The following DMD variants were observed in gnomAD, a reference collection of about 807,000 sequenced individuals.
DMD encodes the protein dystrophin.
A neutral mutation model predicts 330.1 loss-of-function variants in DMD; 63 were observed. The observed-to-expected ratio is 0.19, with a 90% confidence interval of 0.16 to 0.24. The LOEUF (loss-of-function observed/expected upper bound fraction) is 0.24, where lower values mean the gene tolerates loss of function less well. DMD is among the 10% of genes least tolerant of loss of function. DMD has a pLI of 1.00. For synonymous variants in DMD, 1,223 were observed against 959.8 expected, an observed-to-expected ratio of 1.27 and a Z score of -5.07; for missense variants, 3,344 against 2,684.1, an observed-to-expected ratio of 1.25 and a Z score of -5.43.
chrX:32,857,301 A>C (rs1186854135), intron 2 of DMD, among the ~76,000 whole-genome samples: 1 of 112,373 alleles, frequency 8.9e-6, no homozygotes, highest in Non-Finnish European at 1.9e-5. Flanking sequence ...CATTTTAATG[A>C]AACTTTAAGG....
chrX:33,322,386 G>T (rs755891891), intron 1 of DMD, among the ~76,000 whole-genome samples: 20 of 109,538 alleles, frequency 1.8e-4, no homozygotes, highest in Non-Finnish European at 3.2e-4. Context: ...AGACAGATGT[G>T]GGGGGGTGGG....
At chrX:31,889,414 G>A (rs1396464307) in intron 47 of DMD, among the ~76,000 whole-genome samples, 1 of 109,880 alleles carries the variant, frequency 9.1e-6, no homozygotes, top group Non-Finnish European at 1.9e-5. Flanking sequence ...GGCTCCTGGA[G>A]GCATTAGACA....
chrX:32,013,693 A>T (rs974589900), intron 44 of DMD, among the ~76,000 whole-genome samples: 21 of 112,098 alleles, frequency 1.9e-4, no homozygotes, highest in Admixed American at 1.6e-3. Flanking sequence ...ATGTCTATGA[A>T]ATGCAAAAAG....
Position 31,223,093 on chromosome X carries a change from A to T in DMD, c.9315T>A (p.Ala3105=), listed in dbSNP as rs2046261036. ...LADLNNVRFS[A]YRTAMKLRRL... is the part of the protein sequence containing the mutation. ...TTCGGAGTTTCATGGCAGTCCTATA[A>T]GCTGAGAATCTGACATTATTCAGGT... is the stretch of plus-strand genomic sequence containing the variant. The change falls in exon 64 of 79, where the codon GCT becomes GCA. Residue 3105 remains alanine, a synonymous_variant. Transcript: ENST00000357033. The T allele has an allele frequency of 8.3e-7, 1 of 1,209,484 alleles. No individual in the cohort carries two copies. The highest frequency in any genetic ancestry group is 1.7e-5 in the African/African-American group (1 of 57,195).
intron 62 of DMD, among the ~76,000 whole-genome samples, chrX:31,277,711 C>G (rs1030574543): frequency 2.7e-5 from 3 of 111,633 alleles, no homozygotes; most frequent in African/African-American, 9.8e-5. Flanking sequence ...TTTCTGATGA[C>G]CTGGCCTGAG....
chrX:32,450,668 G>A (rs1203191173), intron 26 of DMD, among the ~76,000 whole-genome samples: 1 of 110,471 alleles, frequency 9.1e-6, no homozygotes, highest in Non-Finnish European at 1.9e-5. Context: ...ATCATCCTCA[G>A]AGTTATATCC....
chrX:32,930,234 G>A (rs922201551), intron 2 of DMD, among the ~76,000 whole-genome samples: 1 of 110,836 alleles, frequency 9.0e-6, no homozygotes, highest in Non-Finnish European at 1.9e-5. Flanking sequence ...AGTTGTATAG[G>A]TCCTCAAAGT....
chrX:32,029,177 G>C (rs1208697952), intron 44 of DMD, among the ~76,000 whole-genome samples: 1 of 111,118 alleles, frequency 9.0e-6, no homozygotes, highest in Non-Finnish European at 1.9e-5. Context: ...CTCATTTAAC[G>C]TTCCACCACC....
Position 32,565,695 on chromosome X carries a change from C to T in DMD, c.1992+7G>A. Reference sequence around the variant, plus strand: ...TAGTCTGTAGCATGATAATTGGTATCACTAACCTGTGCTGTACTCTTTTCA... The same window carrying T: ...TAGTCTGTAGCATGATAATTGGTATTACTAACCTGTGCTGTACTCTTTTCA... On this transcript the variant is annotated splice_region_variant and intron_variant, in intron 16 of 78. Coordinates refer to ENST00000357033, the MANE Select transcript of DMD (RefSeq NM_004006.3). 2 of 1,208,903 alleles carry T rather than the reference C, an allele frequency of 1.7e-6. No homozygotes were observed. The highest frequency in any genetic ancestry group is 2.2e-6 in the Non-Finnish European group (2 of 892,945).
At chrX:33,256,025 T>G (rs2052851259) in intron 1 of DMD, among the ~76,000 whole-genome samples, 2 of 111,450 alleles carry the variant, frequency 1.8e-5, no homozygotes, top group Admixed American at 1.9e-4. Flanking sequence ...AAGTTTAGAT[T>G]TTGTAGATAC....
intron 2 of DMD, among the ~76,000 whole-genome samples, chrX:32,856,966 T>G (rs958328589): frequency 1.0e-4 from 11 of 110,058 alleles, no homozygotes; most frequent in African/African-American, 3.3e-4. Flanking sequence ...TCCCAGCTAC[T>G]TGGGAGGCTG....
At chrX:31,652,429 C>T (rs1603440277) in intron 54 of DMD, among the ~76,000 whole-genome samples, 1 of 111,593 alleles carries the variant, frequency 9.0e-6, no homozygotes, top group East Asian at 2.8e-4. Flanking sequence ...CTTTTCATTG[C>T]TCTATACCAA....
chrX:32,693,380 G>T (rs1270578196), intron 9 of DMD, among the ~76,000 whole-genome samples: 1 of 112,118 alleles, frequency 8.9e-6, no homozygotes, highest in African/African-American at 3.2e-5. Context: ...ATAGACACAT[G>T]ATTAGTTATC....
intron 57 of DMD, among the ~76,000 whole-genome samples, chrX:31,491,803 TA>T (rs2147007872): frequency 8.9e-6 from 1 of 112,083 alleles, no homozygotes; most frequent in South Asian, 3.7e-4. Flanking sequence ...ATATTTTCTC[TA>T]CAAGAAAAGA....
At chrX:32,226,389 C>T (rs1183459753) in intron 43 of DMD, among the ~76,000 whole-genome samples, 1 of 112,003 alleles carries the variant, frequency 8.9e-6, no homozygotes, top group Non-Finnish European at 1.9e-5. Context: ...GAATTAGTTA[C>T]TTCATAAGAC....
At chrX:32,779,528 C>T (rs774147934) in intron 7 of DMD, among the ~76,000 whole-genome samples, 154 of 108,982 alleles carry the variant, frequency 1.4e-3, no homozygotes, top group Non-Finnish European at 2.1e-3. Flanking sequence ...ACAGATGTTC[C>T]CCCTTCCTGT....
chrX:32,385,988 C>A (rs918891352), intron 33 of DMD, among the ~76,000 whole-genome samples: 4 of 109,656 alleles, frequency 3.6e-5, no homozygotes, highest in African/African-American at 1.3e-4. Flanking sequence ...CTAAGAAACC[C>A]TTTTAGAGCT....
At chrX:33,118,212 G>A (rs1248591441) in intron 1 of DMD, among the ~76,000 whole-genome samples, 2 of 104,794 alleles carry the variant, frequency 1.9e-5, no homozygotes, top group Non-Finnish European at 3.9e-5. Context: ...CCGGGTTCAC[G>A]CCATTCTCCT....
chrX:32,258,525 A>G (rs971516288), intron 43 of DMD, among the ~76,000 whole-genome samples: 3 of 110,908 alleles, frequency 2.7e-5, no homozygotes, highest in African/African-American at 9.9e-5. Flanking sequence ...GACATGGATG[A>G]AGCTGGAAAC....
Sources: gnomAD v4.1 joint callset for allele counts (sites outside exome capture counted in the v4.1 genomes callset) on GRCh38, gnomAD v4.1.1 for gene constraint, MANE v1.5 for transcripts, NCBI Gene and HGNC (gene_info 2026-07-23, HGNC 2026-07-21) for gene names.